Variants in SUGCT observed in about 807,000 individuals in gnomAD.
SUGCT encodes succinyl-CoA:glutarate CoA-transferase.
In SUGCT, 41 loss-of-function variants were observed where a neutral mutation model predicts 55.0. The ratio of observed to expected loss-of-function variants is 0.74; its 90% CI spans 0.58 to 0.97. The LOEUF (loss-of-function observed/expected upper bound fraction) is 0.97, where lower values mean the gene tolerates loss of function less well. Ranked by LOEUF, SUGCT falls within the 50% of genes least tolerant of loss-of-function variation. The probability of loss-of-function intolerance (pLI) is 0.00; values close to 1 mark genes in which losing one functional copy is unlikely to be tolerated. For synonymous variants in SUGCT, 187 were observed against 200.4 expected (o/e 0.93, Z 0.56); for missense variants, 568 against 547.8 (o/e 1.04, Z -0.37).
chr7:40,258,189 T>C (rs1790945606), intron 7 of SUGCT, among the ~76,000 whole-genome samples: 1 of 152,168 alleles, frequency 6.6e-6, no homozygotes, highest in African/African-American at 2.4e-5. Flanking sequence ...ACCTTGACTC[T>C]TACAGTTTTC....
At chr7:40,747,992 T>G (rs1210402459) in intron 12 of SUGCT, among the ~76,000 whole-genome samples, 2 of 152,224 alleles carry the variant, frequency 1.3e-5, no homozygotes, top group Non-Finnish European at 2.9e-5. Flanking sequence ...TTAAGTTGCT[T>G]CATTTCAGTA....
intron 12 of SUGCT, among the ~76,000 whole-genome samples, chr7:40,742,460 C>A (rs1055850093): frequency 6.6e-6 from 1 of 151,912 alleles, no homozygotes; most frequent in Non-Finnish European, 1.5e-5. Flanking sequence ...ATTAGATTCT[C>A]ATAAACAGCG....
At chr7:40,898,480 C>CGGGGGGGGG in the SUGCT span, among the ~76,000 whole-genome samples, 27 of 5,704 alleles carry the variant, frequency 4.7e-3, 8 homozygotes, top group Admixed American at 6.2e-3. Context: ...TCCGGGAGGT[C>CGGGGGGGGG]GGGGGGGGGG....
intron 13 of SUGCT, among the ~76,000 whole-genome samples, chr7:40,843,657 T>C (rs2128791928): frequency 6.6e-6 from 1 of 152,110 alleles, no homozygotes; most frequent in African/African-American, 2.4e-5. Flanking sequence ...GGAACATGCT[T>C]GGTGAACAGC....
intron 9 of SUGCT, among the ~76,000 whole-genome samples, chr7:40,435,502 T>C (rs1318139318): frequency 3.3e-5 from 5 of 152,152 alleles, no homozygotes; most frequent in Non-Finnish European, 5.9e-5. Context: ...CACATTGACA[T>C]TGATTTAAAA....
At chr7:40,632,357 C>T (rs986660086) in intron 12 of SUGCT, among the ~76,000 whole-genome samples, 10 of 152,016 alleles carry the variant, frequency 6.6e-5, no homozygotes, top group East Asian at 5.8e-4. Context: ...GCCAAACCTG[C>T]TTCTCTGAAT....
chr7:40,498,027 T>A (rs1255119485), intron 12 of SUGCT, among the ~76,000 whole-genome samples: 1 of 152,154 alleles, frequency 6.6e-6, no homozygotes, highest in Admixed American at 6.6e-5. Context: ...CTCTTGTGGT[T>A]CAATGTAATT....
chr7:40,735,848 T>G (rs1332470821), intron 12 of SUGCT, among the ~76,000 whole-genome samples: 1 of 152,118 alleles, frequency 6.6e-6, no homozygotes, highest in Non-Finnish European at 1.5e-5. Context: ...TATCTACAAA[T>G]CTACTGTCCT....
chr7:40,700,250 G>A (rs941049911), intron 12 of SUGCT, among the ~76,000 whole-genome samples: 1 of 152,108 alleles, frequency 6.6e-6, no homozygotes, highest in Admixed American at 6.6e-5. Context: ...TTAACTGAGT[G>A]GGCCTGCCTT....
chr7:40,204,554 G>A (rs1786841663), intron 6 of SUGCT, among the ~76,000 whole-genome samples: 1 of 151,862 alleles, frequency 6.6e-6, no homozygotes, highest in African/African-American at 2.4e-5. Context: ...TGCCCGCCTC[G>A]GCCTCCCAAA....
chr7:40,888,609 A>T, the SUGCT span, among the ~76,000 whole-genome samples: 1 of 152,200 alleles, frequency 6.6e-6, no homozygotes, highest in Non-Finnish European at 1.5e-5. Flanking sequence ...GGTTTAAAAA[A>T]AATAACCATG....
chr7:40,798,907 G>A (rs1232193174), intron 13 of SUGCT, among the ~76,000 whole-genome samples: 2 of 152,012 alleles, frequency 1.3e-5, no homozygotes, highest in Non-Finnish European at 2.9e-5. Context: ...AAAGTGTTAG[G>A]TTCACAAATG....
the SUGCT span, among the ~76,000 whole-genome samples, chr7:40,894,669 C>G: frequency 6.6e-6 from 1 of 152,086 alleles, no homozygotes; most frequent in Non-Finnish European, 1.5e-5. Flanking sequence ...AGACACTTTT[C>G]AAAAGAAGAT....
At chr7:40,425,577 T>A (rs1179409602) in intron 9 of SUGCT, among the ~76,000 whole-genome samples, 1 of 152,156 alleles carries the variant, frequency 6.6e-6, no homozygotes, top group Non-Finnish European at 1.5e-5. Context: ...TTTGTTTTTT[T>A]AAAACTTATG....
At chr7:40,492,041 A>G (rs1318753686) in intron 11 of SUGCT, among the ~76,000 whole-genome samples, 3 of 152,134 alleles carry the variant, frequency 2.0e-5, no homozygotes, top group African/African-American at 7.2e-5. Context: ...CCAAGGGAGA[A>G]TGGTGTCACA....
intron 8 of SUGCT, among the ~76,000 whole-genome samples, chr7:40,313,585 T>A (rs1244057851): frequency 2.0e-5 from 3 of 152,196 alleles, no homozygotes; most frequent in African/African-American, 7.2e-5. Context: ...CAACTTTGTC[T>A]TTGAGTTGTT....
chr7:40,937,846 C>G, the SUGCT span, among the ~76,000 whole-genome samples: 1 of 152,128 alleles, frequency 6.6e-6, no homozygotes, highest in African/African-American at 2.4e-5. Flanking sequence ...GCACCAGGGA[C>G]CAGTCCTGTG....
chr7:40,256,231 G>A (rs768021966), intron 7 of SUGCT, among the ~76,000 whole-genome samples: 4 of 152,258 alleles, frequency 2.6e-5, no homozygotes, highest in Admixed American at 6.5e-5. Flanking sequence ...ACATTTTTGG[G>A]TTGTGGATTA....
At position 40,512,674 on chromosome 7, in the gene SUGCT, G is replaced by A. The variant is rs184158508; in HGVS notation, c.1089+16288G>A. On this transcript the variant is annotated intron_variant, in intron 12 of 13. Coordinates refer to ENST00000335693, the MANE Select transcript of SUGCT (RefSeq NM_001193313.2). ...GGAAATTTTTTTTTTAAGATGGTAA[G>A]ATGTTTGCTGGAAAATGTGGAAAAT... 3.3e-5 allele frequency among the ~76,000 whole-genome samples: 5 copies of A among 152,166 alleles called. No individual in the cohort carries two copies. The East Asian group carries it at 9.6e-4, about 29-fold the overall frequency.
Sources: gnomAD v4.1 joint callset for allele counts (sites outside exome capture counted in the v4.1 genomes callset) on GRCh38, gnomAD v4.1.1 for gene constraint, MANE v1.5 for transcripts, NCBI Gene and HGNC (gene_info 2026-07-23, HGNC 2026-07-21) for gene names.